CACNA1C: variants seen among roughly 807,000 people sequenced by gnomAD.
CACNA1C encodes the protein voltage-dependent L-type calcium channel subunit alpha-1C.
Under a neutral mutation model 229.0 loss-of-function variants are expected in CACNA1C, and 30 were observed. The observed-to-expected ratio is 0.13, with a 90% CI of 0.10 to 0.18. The LOEUF is 0.18. Ranked by LOEUF, CACNA1C falls within the 10% of genes least tolerant of loss-of-function variation. The pLI, the probability that CACNA1C is intolerant of heterozygous loss-of-function variation, is 1.00. For missense variants in CACNA1C, 1,658 were observed against 2,845.0 expected (o/e 0.58, Z 9.49); for synonymous variants, 1,114 against 1,132.5 (o/e 0.98, Z 0.33).
chr12:2,042,478 T>C (rs559461690), intron 1 of CACNA1C, among the ~76,000 whole-genome samples: 1 of 152,312 alleles, frequency 6.6e-6, no homozygotes, highest in East Asian at 1.9e-4. Context: ...AGAAATAATA[T>C]ATTTTACATG....
chr12:2,535,240 T>A (rs565126922), intron 9 of CACNA1C, among the ~76,000 whole-genome samples: 1 of 151,182 alleles, frequency 6.6e-6, no homozygotes, highest in South Asian at 2.1e-4. Flanking sequence ...ATACAAAAAA[T>A]TAGCCAGGCA....
chr12:2,481,827 G>C (rs2099676963), intron 5 of CACNA1C, among the ~76,000 whole-genome samples: 1 of 152,238 alleles, frequency 6.6e-6, no homozygotes, highest in African/African-American at 2.4e-5. Flanking sequence ...TGGGCCAATA[G>C]TGATCTTGTG....
intron 3 of CACNA1C, chr12:2,288,767 C>A (rs1379768855): frequency 6.6e-6 from 1 of 152,244 alleles, no homozygotes; most frequent in Admixed American, 6.5e-5. Context: ...GTGGCTCTGG[C>A]AGCCCCAGTC....
intron 30 of CACNA1C, among the ~76,000 whole-genome samples, chr12:2,638,493 C>G (rs73243569): frequency 0.015 from 2,270 of 152,228 alleles, 62 homozygotes; most frequent in African/African-American, 0.051. Flanking sequence ...ATACTGGTGG[C>G]TTTGAGCAGA....
intron 3 of CACNA1C, among the ~76,000 whole-genome samples, chr12:2,420,003 C>T (rs1044570171): frequency 9.9e-5 from 15 of 152,262 alleles, no homozygotes; most frequent in Non-Finnish European, 2.1e-4. Flanking sequence ...TGCTCTGGCC[C>T]TGCCAAGCTT....
intron 3 of CACNA1C, among the ~76,000 whole-genome samples, chr12:2,349,542 C>T (rs1045111570): frequency 6.6e-6 from 1 of 152,124 alleles, no homozygotes; most frequent in African/African-American, 2.4e-5. Flanking sequence ...GAAGAGCTCC[C>T]ACGTCTGCCC....
chr12:2,239,518 G>A (rs1479507004), intron 3 of CACNA1C, among the ~76,000 whole-genome samples: 1 of 152,130 alleles, frequency 6.6e-6, no homozygotes, highest in African/African-American at 2.4e-5. Context: ...CCAGCTGCTG[G>A]GTCTCAGCTC....
Position 2,651,411 on chromosome 12 carries a change from C to T in CACNA1C, c.3946-229C>T. On this transcript the variant is annotated intron_variant, in intron 31 of 46. Coordinates refer to ENST00000399655, the MANE Select transcript of CACNA1C (RefSeq NM_000719.7). The surrounding 1 kb of genome is among the most constrained non-coding windows in gnomAD (Gnocchi z 5.4). ...ATCGGGGAGAATAAAAACACAGGACCACAGCCCAGCGGCCTGGGCACAGTC... is the reference window on the plus strand; with the variant it reads ...ATCGGGGAGAATAAAAACACAGGACTACAGCCCAGCGGCCTGGGCACAGTC... 1 of 584,296 alleles carries T rather than the reference C, an allele frequency of 1.7e-6. No homozygotes were observed. The highest frequency in any genetic ancestry group is 2.8e-5 in the East Asian group (1 of 35,416). The allele number at this position is 584,296 out of a possible 1,614,324, so 36.2% of individuals were successfully genotyped here. A position where few individuals can be genotyped will look rare whatever the true frequency, so the allele number is the denominator to read the frequency against.
At chr12:2,351,150 T>C (rs1406068041) in intron 3 of CACNA1C, among the ~76,000 whole-genome samples, 4 of 152,238 alleles carry the variant, frequency 2.6e-5, no homozygotes, top group Non-Finnish European at 5.9e-5. Flanking sequence ...TGTCTGGGGC[T>C]GGCCTGTGCA....
chr12:2,184,939 C>T (rs749337034), intron 3 of CACNA1C, among the ~76,000 whole-genome samples: 2 of 152,156 alleles, frequency 1.3e-5, no homozygotes. Context: ...TAGTATTGAA[C>T]TGGGGTTAAA....
intron 3 of CACNA1C, among the ~76,000 whole-genome samples, chr12:2,378,932 A>G (rs2098157385): frequency 6.6e-6 from 1 of 152,150 alleles, no homozygotes; most frequent in Non-Finnish European, 1.5e-5. Context: ...TTACTGCACA[A>G]ATTTAGGTTT....
At chr12:2,080,677 G>A (rs957678231) in intron 1 of CACNA1C, among the ~76,000 whole-genome samples, 1 of 152,012 alleles carries the variant, frequency 6.6e-6, no homozygotes, top group Non-Finnish European at 1.5e-5. Context: ...TATGAAAAAG[G>A]AGAAGATTTT....
chr12:2,284,573 AG>A (rs1187458504), intron 3 of CACNA1C, among the ~76,000 whole-genome samples: 2 of 152,232 alleles, frequency 1.3e-5, no homozygotes, highest in African/African-American at 4.8e-5. Context: ...TCTGCCTCCC[AG>A]GATCAGAATT....
chr12:2,558,525 G>A (rs2045768141), intron 11 of CACNA1C, among the ~76,000 whole-genome samples: 1 of 152,230 alleles, frequency 6.6e-6, no homozygotes, highest in South Asian at 2.1e-4. Context: ...GAAGGAGCTA[G>A]AGGAGACAGC....
At position 2,585,327 on chromosome 12, in the gene CACNA1C, A is replaced by C. The variant is rs772213812; in HGVS notation, c.2340-49A>C. On this transcript the variant is annotated intron_variant, in intron 16 of 46. Transcript: ENST00000399655. The surrounding 1 kb of genome is among the most constrained non-coding windows in gnomAD (Gnocchi z 4.1). Reference sequence around the variant, plus strand: ...GCGGTTCCCTCCTACACTGTTCCCTATCACTCCAGTAAACAGCCATTTATT... The same window carrying C: ...GCGGTTCCCTCCTACACTGTTCCCTCTCACTCCAGTAAACAGCCATTTATT... The C allele has an allele frequency of 1.9e-6, 3 of 1,586,040 alleles. No individual in the cohort carries two copies. The highest frequency in any genetic ancestry group is 1.7e-5 in the Admixed American group (1 of 58,044).
At position 2,238,130 on chromosome 12, in the gene CACNA1C, G is replaced by C. The variant is rs147408151; in HGVS notation, c.477+117700G>C. Among the ~76,000 whole-genome samples, 3 of 152,224 alleles carry C rather than the reference G, an allele frequency of 2.0e-5. No individual in the cohort carries two copies. The East Asian group carries it at 5.8e-4, about 29-fold the overall frequency. The stretch of plus-strand genomic sequence containing the variant: ...AGACAGAATCAGGTTTGGGAGCAAG[G>C]CTTCTACACAGGAGCCTGGAAAACT... On this transcript the variant is annotated intron_variant, in intron 3 of 46. Coordinates refer to ENST00000399655, the MANE Select transcript of CACNA1C (RefSeq NM_000719.7).
chr12:2,022,482 A>G (rs1269926048), intron 1 of CACNA1C, among the ~76,000 whole-genome samples: 5 of 114,268 alleles, frequency 4.4e-5, no homozygotes, highest in Non-Finnish European at 8.9e-5. Context: ...TTTTTTTTTG[A>G]GACAGAGTCT....
chr12:2,115,216 T>A lies in CACNA1C; in HGVS notation c.50-8T>A, dbSNP rs1347012985. 1.9e-6 allele frequency: 3 copies of A among 1,540,666 alleles called. No homozygotes were observed. The East Asian group carries it at 7.0e-5, about 36-fold the overall frequency. On this transcript the variant is annotated splice_region_variant and splice_polypyrimidine_tract_variant and intron_variant, in intron 1 of 46. Transcript: ENST00000399655. ...GTAACTGTTGTGTTCTTTTCTCTTT[T>A]GCCACAGGTTCCAACTATGGGAGCC...
At chr12:2,593,157 T>C (rs903911795) in intron 18 of CACNA1C, 56 bp from the exon 19 acceptor site, 85 of 1,580,632 alleles carry the variant, frequency 5.4e-5, no homozygotes, top group Middle Eastern at 1.8e-4. Context: ...TCTCTGAAAG[T>C]GGTAAAATAA....
Sources: gnomAD v4.1 joint callset for allele counts (sites outside exome capture counted in the v4.1 genomes callset) on GRCh38, gnomAD v4.1.1 for gene constraint, Gnocchi (gnomAD v3.1) non-coding constraint, MANE v1.5 for transcripts, NCBI Gene and HGNC (gene_info 2026-07-23, HGNC 2026-07-21) for gene names.